The following PLEKHG4B variants were observed in gnomAD, a reference collection of about 807,000 sequenced individuals.
The protein encoded by PLEKHG4B is pleckstrin homology domain-containing family G member 4B.
In PLEKHG4B, 111 loss-of-function variants were observed where a neutral mutation model predicts 121.3. The ratio of observed to expected loss-of-function variants is 0.92; its 90% CI spans 0.78 to 1.07. The LOEUF is 1.07. Ranked by LOEUF, PLEKHG4B falls within the 50% of genes least tolerant of loss-of-function variation. PLEKHG4B has a pLI of 0.00. For missense variants in PLEKHG4B, 1,831 were observed against 1,757.8 expected, an observed-to-expected ratio of 1.04 and a Z score of -0.74; for synonymous variants, 738 against 725.0, an observed-to-expected ratio of 1.02 and a Z score of -0.29.
chr5:160,220 C>T (rs570983353), intron 11 of PLEKHG4B, among the ~76,000 whole-genome samples: 12 of 152,366 alleles, frequency 7.9e-5, no homozygotes, highest in East Asian at 3.9e-4. Context: ...GCTCAGTCCC[C>T]GAGCCATGTT....
intron 18 of PLEKHG4B, chr5:179,745 C>G (rs1318215735): frequency 1.3e-5 from 2 of 152,670 alleles, no homozygotes; most frequent in Admixed American, 1.3e-4. Flanking sequence ...CCTGGAACTC[C>G]CGATTACACG....
chr5:133,061 T>G (rs1734824324), intron 2 of PLEKHG4B, among the ~76,000 whole-genome samples: 1 of 152,242 alleles, frequency 6.6e-6, no homozygotes, highest in Admixed American at 6.5e-5. Flanking sequence ...TCATCTATGA[T>G]TTCTTTCAGC....
At chr5:149,531 A>G (rs1735534940) in intron 6 of PLEKHG4B, among the ~76,000 whole-genome samples, 1 of 149,890 alleles carries the variant, frequency 6.7e-6, no homozygotes, top group Non-Finnish European at 1.5e-5. Flanking sequence ...ACAGAGAGAG[A>G]CCCCGTCTCA....
At chr5:124,388 G>A (rs758074453) in intron 2 of PLEKHG4B, among the ~76,000 whole-genome samples, 4 of 152,232 alleles carry the variant, frequency 2.6e-5, no homozygotes, top group African/African-American at 4.8e-5. Flanking sequence ...ATGTCTGTTA[G>A]ATGGAGTTGA....
At chr5:145,825 G>A (rs982348899) in intron 6 of PLEKHG4B, among the ~76,000 whole-genome samples, 3 of 152,026 alleles carry the variant, frequency 2.0e-5, no homozygotes, top group South Asian at 2.1e-4. Flanking sequence ...CAGAACCAGG[G>A]TGCCCTCTCC....
chr5:174,278 G>T (rs1469853253), intron 18 of PLEKHG4B, among the ~76,000 whole-genome samples, 180 bp downstream of exon 18: 1 of 135,336 alleles, frequency 7.4e-6, no homozygotes, highest in Non-Finnish European at 1.6e-5. Context: ...GGGGAATGGG[G>T]GCTGGGGCTG....
Position 114,704 on chromosome 5 carries a change from G to A in PLEKHG4B, c.243+1256G>A, listed in dbSNP as rs899453664. Among the ~76,000 whole-genome samples the A allele has an allele frequency of 3.3e-5, 5 of 152,168 alleles. 1 individual carries two copies. In the East Asian group the frequency reaches 5.8e-4, roughly 18 times the overall value. ...ACTCCTGACCTCAGGTGATCCACCC[G>A]CCCCAGCCTCCCAACAGATTCCATC... On this transcript the variant is annotated intron_variant, in intron 2 of 19. Coordinates refer to ENST00000637938, the MANE Select transcript of PLEKHG4B (RefSeq NM_052909.5).
At chr5:111,549 G>A (rs544900851) in intron 1 of PLEKHG4B, among the ~76,000 whole-genome samples, 7 of 152,226 alleles carry the variant, frequency 4.6e-5, no homozygotes, top group African/African-American at 7.2e-5. Flanking sequence ...ACTTGAGGGT[G>A]GGGGAGGAAT....
At position 186,102 on chromosome 5, in the gene PLEKHG4B, G is replaced by C. The variant is rs1315851561; in HGVS notation, c.*3779G>C. On this transcript the variant is annotated 3_prime_UTR_variant, in exon 20 of 20. Coordinates refer to ENST00000637938, the MANE Select transcript of PLEKHG4B (RefSeq NM_052909.5). ...TTTATTTAACCCATGGGGCTCTTTG[G>C]CCTCATTTTCTGTTTTTTGAGTTTC... 6.6e-6 allele frequency: 1 copy of C among 152,180 alleles called. No individual in the cohort carries two copies. The highest frequency in any genetic ancestry group is 2.4e-5 in the African/African-American group (1 of 41,436). 9.4% of individuals were successfully genotyped at this position (152,180 alleles called of 1,614,324 possible). A position where few individuals can be genotyped will look rare whatever the true frequency, so the allele number is the denominator to read the frequency against.
intron 6 of PLEKHG4B, among the ~76,000 whole-genome samples, chr5:149,176 A>G (rs1043966830): frequency 2.6e-5 from 4 of 152,232 alleles, no homozygotes; most frequent in Non-Finnish European, 4.4e-5. Context: ...TTTATTAGAT[A>G]TAATATCAGA....
At chr5:99,941 G>C (rs1482500611) in intron 1 of PLEKHG4B, among the ~76,000 whole-genome samples, 1 of 152,098 alleles carries the variant, frequency 6.6e-6, no homozygotes, top group Non-Finnish European at 1.5e-5. Flanking sequence ...AAGGGTGTTG[G>C]AGTTTGTCAG....
Position 140,497 on chromosome 5 carries a change from A to T in PLEKHG4B, c.1258A>T (p.Thr420Ser), listed in dbSNP as rs912051830. The change falls in exon 3 of 20, where the codon ACA becomes TCA. Residue 420 changes from threonine (T) to serine (S), a missense_variant. Transcript: ENST00000637938. ...QTPSLEKERH[T>S]PSRTGPGAAG... is the part of the protein sequence containing the mutation. The stretch of plus-strand genomic sequence containing the variant: ...CCCAAGTCTAGAGAAGGAGAGGCAC[A>T]CACCCAGCCGGACAGGTCCAGGAGC... 1.3e-6 allele frequency: 2 copies of T among 1,596,220 alleles called. No individual in the cohort carries two copies. The highest frequency in any genetic ancestry group is 3.5e-5 in the Admixed American group (2 of 57,536).
At position 143,478 on chromosome 5, in the gene PLEKHG4B, C is replaced by T; in HGVS notation, c.1786C>T (p.Leu596=). ...GTCCTGTGCTGAGCTGACCCGCCTGCTGCTGTACTTCCATAGCATCCCCAG... is the reference window on the plus strand; with the variant it reads ...GTCCTGTGCTGAGCTGACCCGCCTGTTGCTGTACTTCCATAGCATCCCCAG... ...HSSCAELTRL[L]LYFHSIPRKE... The change falls in exon 5 of 20, where the codon CTG becomes TTG. Residue 596 remains leucine, a synonymous_variant. Transcript: ENST00000637938. The T allele has an allele frequency of 6.2e-7, 1 of 1,612,894 alleles. No homozygotes were observed. Among genetic ancestry groups the T allele is most frequent in the Non-Finnish European group, 8.5e-7 (1 of 1,179,988 alleles).
intron 13 of PLEKHG4B, among the ~76,000 whole-genome samples, chr5:164,643 A>C (rs1268444911): frequency 7.8e-6 from 1 of 128,356 alleles, no homozygotes; most frequent in Non-Finnish European, 1.7e-5. Context: ...GCTCACACTA[A>C]TGCTCTGACG....
chr5:162,573 A>G, intron 12 of PLEKHG4B, 149 bp from the exon 13 acceptor site: 2 of 544,380 alleles, frequency 3.7e-6, no homozygotes, highest in Non-Finnish European at 2.9e-6. Context: ...ACCCGGCCAC[A>G]GCCCCCACTG....
chr5:133,334 CA>C (rs1021919349), intron 2 of PLEKHG4B, among the ~76,000 whole-genome samples: 1 of 151,494 alleles, frequency 6.6e-6, no homozygotes, highest in African/African-American at 2.4e-5. Flanking sequence ...TATCATCAAC[CA>C]AAAACGACAG....
At chr5:172,777 G>C in intron 16 of PLEKHG4B, 120 bp from the exon 17 acceptor site, 1 of 1,103,796 alleles carries the variant, frequency 9.1e-7, no homozygotes, top group Non-Finnish European at 1.4e-6. Flanking sequence ...AGATTTTATG[G>C]CAGTTTGGCT....
In PLEKHG4B at chr5:184,015, A is replaced by AGATAGATAGAT. The variant is rs1241477331; in HGVS notation, c.*1693_*1703dup. 4.7e-5 allele frequency: 7 copies of AGATAGATAGAT among 149,088 alleles called. No homozygotes were observed. Among genetic ancestry groups the AGATAGATAGAT allele is most frequent in the African/African-American group, 1.0e-4 (4 of 39,320 alleles). The allele number at this position is 149,088 out of a possible 1,614,324, so 9.2% of individuals were successfully genotyped here. On this transcript the variant is annotated 3_prime_UTR_variant, in exon 20 of 20. Coordinates refer to ENST00000637938, the MANE Select transcript of PLEKHG4B (RefSeq NM_052909.5). Reference sequence around the variant, plus strand: ...TCGATAGATAGATAGATAGATAGATAGATAGATAGATAGACTGACAGACAG... The same window carrying AGATAGATAGAT: ...TCGATAGATAGATAGATAGATAGATAGATAGATAGATGATAGATAGATAGACTGACAGACAG...
Position 140,677 on chromosome 5 carries a change from T to C in PLEKHG4B, c.1438T>C (p.Cys480Arg). 1 of 1,599,848 alleles carries C rather than the reference T, an allele frequency of 6.3e-7. No individual in the cohort carries two copies. The highest frequency in any genetic ancestry group is 8.5e-7 in the Non-Finnish European group (1 of 1,173,106). The change falls in exon 3 of 20, where the codon TGT becomes CGT. Residue 480 changes from cysteine (C) to arginine (R), a missense_variant. Coordinates refer to ENST00000637938, the MANE Select transcript of PLEKHG4B (RefSeq NM_052909.5). ...AGGACAAGCTGTGGGGACCCCAAAC[T>C]GTGTCCCAGTAGAGGGTCCCGGCTG... Reference protein sequence around the residue: ...LGGQAVGTPNCVPVEGPGCTK... With the variant: ...LGGQAVGTPNRVPVEGPGCTK...
Sources: gnomAD v4.1 joint callset for allele counts (sites outside exome capture counted in the v4.1 genomes callset) on GRCh38, gnomAD v4.1.1 for gene constraint, MANE v1.5 for transcripts, NCBI Gene and HGNC (gene_info 2026-07-23, HGNC 2026-07-21) for gene names.